CNTLN: variants seen among roughly 807,000 people sequenced by gnomAD.
CNTLN encodes the protein centlein, also known as centlein, centrosomal protein.
In CNTLN, 212 loss-of-function variants were observed where a neutral mutation model predicts 180.0. The observed-to-expected ratio is 1.18, with a 90% CI of 1.05 to 1.32. The LOEUF is 1.32. Among genes scored for constraint, CNTLN ranks in the 40% most tolerant of loss-of-function variants. The pLI, the probability that CNTLN is intolerant of heterozygous loss-of-function variation, is 0.00. For synonymous variants in CNTLN, 722 were observed against 563.1 expected (o/e 1.28, Z -3.99); for missense variants, 2,095 against 1,610.9 (o/e 1.30, Z -5.14).
chr9:17,292,240 C>G (rs1420838212), intron 6 of CNTLN, among the ~76,000 whole-genome samples: 1 of 151,620 alleles, frequency 6.6e-6, no homozygotes, highest in African/African-American at 2.4e-5. Context: ...CATTTTTTTT[C>G]CCTTCATTTT....
At chr9:17,206,386 C>G (rs1299493526) in intron 2 of CNTLN, among the ~76,000 whole-genome samples, 6 of 152,192 alleles carry the variant, frequency 3.9e-5, no homozygotes, top group African/African-American at 1.4e-4. Context: ...CAGCTGCGTA[C>G]TGTTGTGTTG....
At chr9:17,175,514 T>G (rs1375235618) in intron 2 of CNTLN, among the ~76,000 whole-genome samples, 1 of 152,224 alleles carries the variant, frequency 6.6e-6, no homozygotes, top group Non-Finnish European at 1.5e-5. Context: ...AGGTCTGTTT[T>G]CTGTCAATAC....
intron 3 of CNTLN, among the ~76,000 whole-genome samples, chr9:17,227,996 T>C (rs761345335): frequency 3.9e-4 from 59 of 152,108 alleles, no homozygotes; most frequent in Non-Finnish European, 3.7e-4. Flanking sequence ...AGACATCATT[T>C]GTATTTACAT....
chr9:17,302,993 C>G (rs1297336861), intron 7 of CNTLN, among the ~76,000 whole-genome samples: 2 of 152,028 alleles, frequency 1.3e-5, no homozygotes, highest in East Asian at 3.9e-4. Flanking sequence ...CATTTTTTAG[C>G]TTATTGTGTA....
chr9:17,273,611 G>C (rs636093), intron 5 of CNTLN, 122 bp from the exon 6 acceptor site: 1 of 518,074 alleles, frequency 1.9e-6, no homozygotes, highest in Non-Finnish European at 3.1e-6. Flanking sequence ...ATTATTTTAA[G>C]TAAGTGAAAA....
chr9:17,153,407 G>T (rs146805256), intron 2 of CNTLN, among the ~76,000 whole-genome samples: 1 of 152,100 alleles, frequency 6.6e-6, no homozygotes, highest in Non-Finnish European at 1.5e-5. Context: ...TTTCTCATTC[G>T]CTTATGAAGC....
intron 8 of CNTLN, among the ~76,000 whole-genome samples, chr9:17,325,579 A>ACACG (rs781519041): frequency 1.6e-4 from 21 of 129,380 alleles, no homozygotes; most frequent in Non-Finnish European, 3.2e-4. Flanking sequence ...ACACACACGC[A>ACACG]CACACACACT....
chr9:17,458,040 G>A (rs571190112), intron 19 of CNTLN, among the ~76,000 whole-genome samples: 11 of 151,842 alleles, frequency 7.2e-5, no homozygotes, highest in South Asian at 2.1e-4. Context: ...CATGTAATGC[G>A]TCAACATAAA....
intron 4 of CNTLN, 53 bp downstream of exon 4, chr9:17,235,845 T>A: frequency 6.5e-7 from 1 of 1,540,822 alleles, no homozygotes; most frequent in South Asian, 1.3e-5. Flanking sequence ...AGTTCTGCTT[T>A]AAGCTTTGTT....
chr9:17,267,534 G>A (rs927984145), intron 5 of CNTLN, among the ~76,000 whole-genome samples: 3 of 151,714 alleles, frequency 2.0e-5, no homozygotes, highest in Non-Finnish European at 2.9e-5. Context: ...TGCTCTTCTC[G>A]AGGAGTATCT....
rs375837719 is a variant in CNTLN, at chr9:17,487,071, T to A, written c.4119+5T>A. 5.7e-6 allele frequency: 9 copies of A among 1,574,450 alleles called. No homozygotes were observed. In the African/African-American group the frequency reaches 1.1e-4, roughly 19 times the overall value. On this transcript the variant is annotated splice_donor_5th_base_variant and intron_variant, in intron 25 of 25. Coordinates refer to ENST00000380647, the MANE Select transcript of CNTLN (RefSeq NM_017738.4). ...CAGAAACTTCTTGAAGGACAGGTAT[T>A]TCATTTTTCTGTTTCATATATTAAG... is the stretch of plus-strand genomic sequence containing the variant.
intron 5 of CNTLN, among the ~76,000 whole-genome samples, chr9:17,268,835 C>G (rs1827713593): frequency 6.6e-6 from 1 of 151,790 alleles, no homozygotes; most frequent in African/African-American, 2.4e-5. Context: ...GTAGGACCCT[C>G]TGAGCCAGGT....
intron 5 of CNTLN, among the ~76,000 whole-genome samples, chr9:17,257,413 T>A (rs1376105930): frequency 6.6e-6 from 1 of 152,112 alleles, no homozygotes; most frequent in Non-Finnish European, 1.5e-5. Flanking sequence ...TCTTTGCTAT[T>A]GTGAATAATG....
chr9:17,414,751 A>G (rs567628788), intron 16 of CNTLN, among the ~76,000 whole-genome samples: 3 of 152,320 alleles, frequency 2.0e-5, no homozygotes, highest in African/African-American at 7.2e-5. Context: ...TTAAAATAAG[A>G]AATAATTTTC....
intron 5 of CNTLN, among the ~76,000 whole-genome samples, chr9:17,267,543 C>A (rs1364185082): frequency 6.6e-6 from 1 of 151,812 alleles, no homozygotes; most frequent in Non-Finnish European, 1.5e-5. Context: ...CGAGGAGTAT[C>A]TTTGTGGCGT....
intron 5 of CNTLN, among the ~76,000 whole-genome samples, chr9:17,267,593 T>C (rs1410506750): frequency 6.6e-6 from 1 of 151,970 alleles, no homozygotes; most frequent in Admixed American, 6.5e-5. Flanking sequence ...CCAAACTTGC[T>C]AGATTGGGGA....
chr9:17,284,115 A>C (rs1828830674), intron 6 of CNTLN, among the ~76,000 whole-genome samples: 3 of 152,044 alleles, frequency 2.0e-5, no homozygotes, highest in Admixed American at 2.0e-4. Context: ...TCCACCTCAC[A>C]GATTCAAGCA....
At chr9:17,248,076 A>G (rs1825912552) in intron 5 of CNTLN, among the ~76,000 whole-genome samples, 1 of 152,060 alleles carries the variant, frequency 6.6e-6, no homozygotes, top group Non-Finnish European at 1.5e-5. Flanking sequence ...CACCTACCTC[A>G]ACCTCCCAAA....
chr9:17,525,182 A>C, the CNTLN span, among the ~76,000 whole-genome samples: 5 of 152,174 alleles, frequency 3.3e-5, no homozygotes, highest in Admixed American at 3.3e-4. Flanking sequence ...AATGACCAAA[A>C]TATCCCTCCA....
Sources: allele counts gnomAD v4.1 joint callset (sites outside exome capture counted in the v4.1 genomes callset), GRCh38; gene constraint gnomAD v4.1.1; transcripts MANE v1.5; gene names NCBI Gene and HGNC (gene_info 2026-07-23, HGNC 2026-07-21).